TMEM108: variants seen among roughly 807,000 people sequenced by gnomAD.
TMEM108 encodes the protein transmembrane protein 108.
TMEM108 carries 12 observed loss-of-function variants against 35.1 expected under a neutral mutation model. The observed-to-expected ratio is 0.34, with a 90% CI of 0.22 to 0.55. TMEM108 has a LOEUF of 0.55. TMEM108 is among the 20% of genes least tolerant of loss of function. TMEM108 has a pLI of 0.89. For missense variants in TMEM108, 680 were observed against 753.3 expected, an observed-to-expected ratio of 0.90 and a Z score of 1.14; for synonymous variants, 287 against 308.6, an observed-to-expected ratio of 0.93 and a Z score of 0.73.
At chr3:133,184,575 C>A (rs1945393733) in intron 2 of TMEM108, among the ~76,000 whole-genome samples, 1 of 152,156 alleles carries the variant, frequency 6.6e-6, no homozygotes, top group African/African-American at 2.4e-5. Flanking sequence ...AGAAAACTTG[C>A]CTTAATTAAG....
chr3:133,056,364 TAG>T (rs1379768122), intron 2 of TMEM108, among the ~76,000 whole-genome samples: 1 of 152,186 alleles, frequency 6.6e-6, no homozygotes, highest in Non-Finnish European at 1.5e-5. Flanking sequence ...TGTGGCCAGA[TAG>T]ATCTGCATTT....
intron 2 of TMEM108, among the ~76,000 whole-genome samples, chr3:133,204,961 C>T (rs1221265262): frequency 6.6e-6 from 1 of 152,156 alleles, no homozygotes; most frequent in Non-Finnish European, 1.5e-5. Context: ...TCTCTAAGAA[C>T]TTACTTTATG....
At chr3:133,046,117 C>T (rs1416458983) in intron 2 of TMEM108, 97 bp downstream of exon 2, 1 of 152,536 alleles carries the variant, frequency 6.6e-6, no homozygotes, top group Non-Finnish European at 1.5e-5. Context: ...CAATATGATG[C>T]CCTGTCTGTG....
At position 133,396,772 on chromosome 3, in the gene TMEM108, G is replaced by A. The variant is rs2073311808; in HGVS notation, c.*786G>A. 1.3e-5 allele frequency: 2 copies of A among 152,142 alleles called. No homozygotes were observed. Among genetic ancestry groups the A allele is most frequent in the South Asian group, 4.1e-4 (2 of 4,822 alleles). The allele number at this position is 152,142 out of a possible 1,614,324, so 9.4% of individuals were successfully genotyped here. A position where few individuals can be genotyped will look rare whatever the true frequency, so the allele number is the denominator to read the frequency against. ...GTGCCTTTCTCTTGGAGAGGGTTTA[G>A]ATGCAGATCCCGGCCCTGGAGCTTT... On this transcript the variant is annotated 3_prime_UTR_variant, in exon 6 of 6. Coordinates refer to ENST00000321871, the MANE Select transcript of TMEM108 (RefSeq NM_023943.4).
intron 3 of TMEM108, among the ~76,000 whole-genome samples, chr3:133,253,698 A>G (rs1431268981): frequency 1.3e-5 from 2 of 152,318 alleles, no homozygotes; most frequent in African/African-American, 4.8e-5. Context: ...GGGTTTTTGA[A>G]TTCTAAATCC....
chr3:133,084,896 G>A (rs557855667), intron 2 of TMEM108, among the ~76,000 whole-genome samples: 18 of 152,248 alleles, frequency 1.2e-4, no homozygotes, highest in African/African-American at 4.3e-4. Context: ...GGGGGAAGGG[G>A]TTTCTCCAGG....
At chr3:133,189,064 T>A (rs539942776) in intron 2 of TMEM108, among the ~76,000 whole-genome samples, 31 of 152,312 alleles carry the variant, frequency 2.0e-4, no homozygotes, top group Non-Finnish European at 3.7e-4. Context: ...GGAAATGTAG[T>A]TTAGCTCTGT....
intron 2 of TMEM108, among the ~76,000 whole-genome samples, chr3:133,205,132 C>CT (rs56148731): frequency 0.68 from 100,050 of 146,104 alleles, 34,242 homozygotes; most frequent in East Asian, 0.93. Context: ...ACCCCTGCTG[C>CT]TTTTTTTTTT....
In TMEM108 at chr3:133,048,510, A is replaced by G. The variant is rs577284420; in HGVS notation, c.-47+2490A>G. Among the ~76,000 whole-genome samples the G allele has an allele frequency of 2.6e-5, 4 of 152,336 alleles. No individual in the cohort carries two copies. In the South Asian group the frequency reaches 8.3e-4, roughly 32 times the overall value. On this transcript the variant is annotated intron_variant, in intron 2 of 5. Transcript: ENST00000321871. The stretch of plus-strand genomic sequence containing the variant: ...AGGCCATAACTCTGACCTAGACCTG[A>G]AGTGTAACCTGCATTATTTTAATTA...
intron 3 of TMEM108, among the ~76,000 whole-genome samples, chr3:133,285,476 T>C (rs927146664): frequency 6.6e-6 from 1 of 152,098 alleles, no homozygotes; most frequent in Non-Finnish European, 1.5e-5. Flanking sequence ...CTTTAAATGG[T>C]GTTTTGAAGC....
intron 2 of TMEM108, among the ~76,000 whole-genome samples, chr3:133,136,550 T>A (rs1944567247): frequency 6.6e-6 from 1 of 152,236 alleles, no homozygotes; most frequent in African/African-American, 2.4e-5. Flanking sequence ...CATGTAATAA[T>A]TGCAGTGGGC....
intron 2 of TMEM108, among the ~76,000 whole-genome samples, chr3:133,138,676 A>G (rs557077739): frequency 1.3e-5 from 2 of 152,188 alleles, no homozygotes; most frequent in African/African-American, 4.8e-5. Flanking sequence ...AACTTACCTG[A>G]CCAATTTTTG....
chr3:133,187,653 G>A (rs1272022163), intron 2 of TMEM108, among the ~76,000 whole-genome samples: 1 of 152,048 alleles, frequency 6.6e-6, no homozygotes, highest in Non-Finnish European at 1.5e-5. Flanking sequence ...GGGAGGCTGA[G>A]GTAGGAGAAC....
intron 2 of TMEM108, among the ~76,000 whole-genome samples, chr3:133,136,436 C>T (rs1478052237): frequency 6.6e-6 from 1 of 152,202 alleles, no homozygotes; most frequent in Non-Finnish European, 1.5e-5. Context: ...CTAGCAAGAT[C>T]AGATTCTCCC....
At chr3:133,317,711 C>T (rs562729366) in intron 3 of TMEM108, among the ~76,000 whole-genome samples, 1 of 152,152 alleles carries the variant, frequency 6.6e-6, no homozygotes, top group Admixed American at 6.5e-5. Context: ...ATAACTCCAT[C>T]CAGCAGATAC....
At chr3:133,241,302 T>G (rs1410408879) in intron 3 of TMEM108, among the ~76,000 whole-genome samples, 1 of 152,254 alleles carries the variant, frequency 6.6e-6, no homozygotes, top group Non-Finnish European at 1.5e-5. Flanking sequence ...TTGCAGCATC[T>G]TCTTTCTTTT....
At chr3:133,198,469 T>C (rs1473514066) in intron 2 of TMEM108, among the ~76,000 whole-genome samples, 1 of 152,218 alleles carries the variant, frequency 6.6e-6, no homozygotes, top group Non-Finnish European at 1.5e-5. Context: ...AAAATTGATT[T>C]CTTTGAATAA....
At chr3:133,302,124 A>T (rs4600815) in intron 3 of TMEM108, among the ~76,000 whole-genome samples, 46,602 of 152,176 alleles carry the variant, frequency 0.31, 7,896 homozygotes, top group East Asian at 0.47. Flanking sequence ...CTAAAGCTCA[A>T]ACTGGCTCTT....
At chr3:133,119,535 T>C (rs1944327230) in intron 2 of TMEM108, 1 of 152,192 alleles carries the variant, frequency 6.6e-6, no homozygotes, top group Non-Finnish European at 1.5e-5. Flanking sequence ...CTTTGTTTTA[T>C]CTATGAAGAA....
Sources: allele counts gnomAD v4.1 joint callset (sites outside exome capture counted in the v4.1 genomes callset), GRCh38; gene constraint gnomAD v4.1.1; transcripts MANE v1.5; gene names NCBI Gene and HGNC (gene_info 2026-07-23, HGNC 2026-07-21).